CXCL17: variants seen among roughly 807,000 people sequenced by gnomAD.
CXCL17 encodes the protein C-X-C motif chemokine ligand 17.
Under a neutral mutation model 15.5 loss-of-function variants are expected in CXCL17, and 9 were observed. The observed-to-expected ratio is 0.58, with a 90% CI of 0.35 to 1.01. The LOEUF (loss-of-function observed/expected upper bound fraction) is 1.01. CXCL17 is among the 50% of genes least tolerant of loss of function. The pLI, the probability that CXCL17 is intolerant of heterozygous loss-of-function variation, is 0.02. For synonymous variants in CXCL17, 52 were observed against 52.3 expected (o/e 0.99, Z 0.02); for missense variants, 133 against 138.2 (o/e 0.96, Z 0.19).
chr19:42,433,816 C>G lies in CXCL17; in HGVS notation c.120G>C (p.Arg40Ser). ...RGHRDRGQAS[R>S]RWLQEGGQEC... ...CTTGGCCGCCTTCCTGGAGCCATCT[C>G]CTAGAAGCCTGGCCTCGGTCCCTGT... is the stretch of plus-strand genomic sequence containing the variant. Residue 40 changes from arginine to serine, a missense_variant, in exon 2 of 4, where the codon AGG (arginine) becomes AGC (serine). Transcript: ENST00000601181. 6.2e-7 allele frequency: 1 copy of G among 1,614,068 alleles called. No homozygotes were observed. The highest frequency in any genetic ancestry group is 8.5e-7 in the Non-Finnish European group (1 of 1,179,994).
At chr19:42,438,029 A>C (rs2147700833) in intron 1 of CXCL17, among the ~76,000 whole-genome samples, 1 of 152,206 alleles carries the variant, frequency 6.6e-6, no homozygotes, top group South Asian at 2.1e-4. Flanking sequence ...AATTAGGCAC[A>C]GTAAGAGATT....
intron 3 of CXCL17, among the ~76,000 whole-genome samples, chr19:42,429,995 C>T (rs971723249): frequency 5.9e-5 from 9 of 151,422 alleles, no homozygotes; most frequent in Non-Finnish European, 1.3e-4. Flanking sequence ...TGGCGAAATC[C>T]TATCTCTACA....
intron 3 of CXCL17, 59 bp from the exon 4 acceptor site, chr19:42,429,040 T>G: frequency 1.4e-6 from 2 of 1,384,330 alleles, no homozygotes; most frequent in East Asian, 2.3e-5. Context: ...ATTTCTTTTT[T>G]TTTTGGAGAC....
chr19:42,438,410 TACACAC>T (rs145217809), intron 1 of CXCL17, among the ~76,000 whole-genome samples: 168 of 89,998 alleles, frequency 1.9e-3, no homozygotes, highest in African/African-American at 7.4e-3. Context: ...ATATATAAAA[TACACAC>T]ACACACACAC....
chr19:42,435,047 C>CGGGCGCCTGTAGTCCCAGCTACTCG (rs2040820048), intron 1 of CXCL17, among the ~76,000 whole-genome samples: 1 of 151,730 alleles, frequency 6.6e-6, no homozygotes, highest in African/African-American at 2.4e-5. Flanking sequence ...GGCGTGGTGG[C>CGGGCGCCTGTAGTCCCAGCTACTCG]GGGCGCCTGT....
intron 2 of CXCL17, 25 bp downstream of exon 2, chr19:42,433,751 C>CTGT (rs750927822): frequency 1.3e-6 from 2 of 1,597,218 alleles, no homozygotes; most frequent in Non-Finnish European, 1.7e-6. Flanking sequence ...GATGCCATCG[C>CTGT]TGTTGTTGTT....
At chr19:42,429,769 A>C (rs2040758430) in intron 3 of CXCL17, among the ~76,000 whole-genome samples, 1 of 152,362 alleles carries the variant, frequency 6.6e-6, no homozygotes, top group East Asian at 1.9e-4. Context: ...AACCACTGTT[A>C]ATAGTTTGCT....
intron 1 of CXCL17, among the ~76,000 whole-genome samples, chr19:42,434,591 GCT>G (rs1330719758): frequency 6.6e-6 from 1 of 151,950 alleles, no homozygotes; most frequent in Admixed American, 6.6e-5. Flanking sequence ...ACCACTCCTG[GCT>G]AGTTTTTTGT....
intron 3 of CXCL17, among the ~76,000 whole-genome samples, 161 bp from the exon 4 acceptor site, chr19:42,429,142 C>T (rs920498407): frequency 9.2e-5 from 14 of 151,962 alleles, no homozygotes; most frequent in Non-Finnish European, 2.1e-4. Context: ...ATTCTCCTGC[C>T]TCAGCCTCCC....
rs1274498339 is a variant in CXCL17 at position 42,433,776 on chromosome 19, C to A, written c.160G>T (p.Asp54Tyr). ...CTGTTGTTGTTGCTGAATTACTGACCTTTGCACTCACATTCTTGGCCGCCT... is the reference window on the plus strand; with the variant it reads ...CTGTTGTTGTTGCTGAATTACTGACATTTGCACTCACATTCTTGGCCGCCT... ...QEGGQECECK[D>Y]WFLRAPRRKF... Residue 54 changes from aspartate to tyrosine, a missense_variant and splice_region_variant, in exon 2 of 4, where the codon GAT becomes TAT. By Grantham distance (160) the Asp-to-Tyr change is radical (BLOSUM62 -3). Transcript: ENST00000601181. 6.2e-7 allele frequency: 1 copy of A among 1,613,752 alleles called. No homozygotes were observed. The highest frequency in any genetic ancestry group is 2.2e-5 in the East Asian group (1 of 44,884).
At chr19:42,429,036 T>C (rs1021018682) in intron 3 of CXCL17, 55 bp from the exon 4 acceptor site, 77 of 1,386,118 alleles carry the variant, frequency 5.6e-5, no homozygotes, top group Non-Finnish European at 6.9e-5. Context: ...TAACATTTCT[T>C]TTTTTTTTGG....
chr19:42,430,990 A>G (rs2040774671), intron 3 of CXCL17, among the ~76,000 whole-genome samples: 1 of 152,124 alleles, frequency 6.6e-6, no homozygotes, highest in African/African-American at 2.4e-5. Flanking sequence ...GATGTGCACC[A>G]TCACGCCCGG....
intron 1 of CXCL17, among the ~76,000 whole-genome samples, chr19:42,435,641 C>T (rs1047266728): frequency 6.6e-6 from 1 of 151,898 alleles, no homozygotes; most frequent in Non-Finnish European, 1.5e-5. Context: ...ACCAGCCTGG[C>T]CAACATAGTG....
At chr19:42,435,747 T>C (rs1325121935) in intron 1 of CXCL17, among the ~76,000 whole-genome samples, 1 of 151,698 alleles carries the variant, frequency 6.6e-6, no homozygotes, top group East Asian at 1.9e-4. Flanking sequence ...GGAGAATTGC[T>C]TGAACCCGGG....
At chr19:42,438,857 T>C (rs1248684418) in intron 1 of CXCL17, among the ~76,000 whole-genome samples, 1 of 152,158 alleles carries the variant, frequency 6.6e-6, no homozygotes, top group African/African-American at 2.4e-5. Flanking sequence ...TGGCCAATTT[T>C]GGGACAATAT....
intron 1 of CXCL17, among the ~76,000 whole-genome samples, chr19:42,438,407 A>ATATATAT (rs1568622705): frequency 2.0e-5 from 2 of 101,116 alleles, no homozygotes; most frequent in African/African-American, 1.0e-4. Flanking sequence ...TATATATATA[A>ATATATAT]AATACACACA....
chr19:42,439,450 T>C (rs1217546942), intron 1 of CXCL17, among the ~76,000 whole-genome samples: 1 of 147,532 alleles, frequency 6.8e-6, no homozygotes, highest in Non-Finnish European at 1.5e-5. Flanking sequence ...ATGCCATAAC[T>C]GGTGAATAAC....
rs2040798721 is a variant in CXCL17 at position 42,433,038 on chromosome 19, A to G, written c.200T>C (p.Val67Ala). 2 of 1,613,984 alleles carry G rather than the reference A, an allele frequency of 1.2e-6. No individual in the cohort carries two copies. Among genetic ancestry groups the G allele is most frequent in the Non-Finnish European group, 1.7e-6 (2 of 1,179,970 alleles). Residue 67 changes from valine to alanine, a missense_variant, in exon 3 of 4, where the codon GTG (valine) becomes GCG (alanine). Physicochemically the swap from Val to Ala is moderately conservative, Grantham distance 64. Transcript: ENST00000601181. ...GCACTGCTTCTTTGGCAGCCCAGAC[A>G]CTGTCATGAATTTTCTTCTCGGGGC... Reference protein sequence around the residue: ...LRAPRRKFMTVSGLPKKQCPC... With the variant: ...LRAPRRKFMTASGLPKKQCPC...
intron 3 of CXCL17, among the ~76,000 whole-genome samples, chr19:42,431,134 C>T (rs1303479346): frequency 6.6e-6 from 1 of 152,246 alleles, no homozygotes; most frequent in East Asian, 1.9e-4. Flanking sequence ...ACCACTGCAC[C>T]TGGCCTCACT....
Sources: allele counts gnomAD v4.1 joint callset (sites outside exome capture counted in the v4.1 genomes callset), GRCh38; gene constraint gnomAD v4.1.1; transcripts MANE v1.5; gene names NCBI Gene and HGNC (gene_info 2026-07-23, HGNC 2026-07-21).